The following TTC23L variants were observed in gnomAD, a reference collection of about 807,000 sequenced individuals.
TTC23L encodes tetratricopeptide repeat domain 23 like.
TTC23L carries 42 observed loss-of-function variants against 48.1 expected under a neutral mutation model. That is an observed-to-expected ratio of 0.87 (90% confidence interval 0.68 to 1.13). TTC23L has a LOEUF of 1.13. Ranked by LOEUF, TTC23L falls within the 50% of genes most tolerant of loss-of-function variation. The pLI is 0.00. For synonymous variants in TTC23L, 159 were observed against 157.2 expected, an observed-to-expected ratio of 1.01 and a Z score of -0.09; for missense variants, 391 against 421.0, an observed-to-expected ratio of 0.93 and a Z score of 0.62.
the TTC23L span, chr5:34,915,858 GGAA>G: frequency 6.4e-7 from 1 of 1,564,878 alleles, no homozygotes; most frequent in South Asian, 1.2e-5. Context: ...AGGAGGTGGA[GGAA>G]GAAGAGAGGG....
chr5:34,896,965 G>A lies in TTC23L; in HGVS notation c.*97+90G>A, dbSNP rs528265297. 14 of 543,462 alleles carry A rather than the reference G, an allele frequency of 2.6e-5. No individual in the cohort carries two copies. The East Asian group carries it at 3.7e-4, about 14-fold the overall frequency. 33.7% of individuals were successfully genotyped at this position (543,462 alleles called of 1,614,324 possible). ...TCCAAGGGATGTGTGCCAGTTCTCT[G>A]GGGGAGGAAGAAAGGCTCTGTAGCA... is the stretch of plus-strand genomic sequence containing the variant. On this transcript the variant is annotated intron_variant, in intron 10 of 10. Transcript: ENST00000505624.
chr5:34,895,098 A>G (rs1051123155), intron 9 of TTC23L, among the ~76,000 whole-genome samples: 1 of 152,206 alleles, frequency 6.6e-6, no homozygotes, highest in Non-Finnish European at 1.5e-5. Flanking sequence ...TACCTCCCAT[A>G]ATCAGGAATT....
Position 34,863,106 on chromosome 5 carries a change from T to C in TTC23L, c.536+52T>C, listed in dbSNP as rs781561587. On this transcript the variant is annotated intron_variant, in intron 5 of 10. Coordinates refer to ENST00000505624, the Ensembl canonical transcript of TTC23L. The surrounding 1 kb of genome is among the most constrained non-coding windows in gnomAD (Gnocchi z 4.1). ...AGTGTTCGGGGCCACAGGCCACACA[T>C]GCCAGATGGGTCATCTCATACAGGA... 1 of 1,606,142 alleles carries C rather than the reference T, an allele frequency of 6.2e-7. No individual in the cohort carries two copies. The highest frequency in any genetic ancestry group is 1.1e-5 in the South Asian group (1 of 90,280).
the TTC23L span, among the ~76,000 whole-genome samples, chr5:34,911,108 T>C: frequency 6.6e-6 from 1 of 152,220 alleles, no homozygotes; most frequent in Non-Finnish European, 1.5e-5. Context: ...CTTAATAAGA[T>C]GAATAAGCAC....
At chr5:34,852,706 A>C (rs1759774691) in intron 4 of TTC23L, among the ~76,000 whole-genome samples, 2 of 152,230 alleles carry the variant, frequency 1.3e-5, no homozygotes, top group Admixed American at 1.3e-4. Flanking sequence ...CAATTAGCTT[A>C]AATCGAGAAT....
chr5:34,897,633 T>G (rs907762772), intron 10 of TTC23L, among the ~76,000 whole-genome samples: 1 of 152,074 alleles, frequency 6.6e-6, no homozygotes, highest in Non-Finnish European at 1.5e-5. Context: ...TGCAAATCAG[T>G]TTTTTAGAAA....
chr5:34,875,518 T>C (rs1042382571), intron 8 of TTC23L, among the ~76,000 whole-genome samples: 6 of 152,112 alleles, frequency 3.9e-5, no homozygotes, highest in Non-Finnish European at 8.8e-5. Context: ...CACATTCTCC[T>C]GCTTGCTTTT....
At chr5:34,920,365 T>G in the TTC23L span, 1 of 152,378 alleles carries the variant, frequency 6.6e-6, no homozygotes, top group African/African-American at 2.4e-5. Context: ...TTAGGTATTT[T>G]TTTTAACCTC....
intron 10 of TTC23L, among the ~76,000 whole-genome samples, chr5:34,898,927 A>G (rs568717698): frequency 6.6e-6 from 1 of 152,306 alleles, no homozygotes; most frequent in African/African-American, 2.4e-5. Flanking sequence ...CTCCTTCAGT[A>G]ATGGGAAATC....
intron 8 of TTC23L, among the ~76,000 whole-genome samples, chr5:34,879,497 C>A (rs539833696): frequency 6.6e-6 from 1 of 152,218 alleles, no homozygotes; most frequent in South Asian, 2.1e-4. Context: ...CCAGCACCCC[C>A]CAAACAGGAA....
At chr5:34,918,524 A>AT in the TTC23L span, 3 of 1,051,080 alleles carry the variant, frequency 2.9e-6, no homozygotes, top group East Asian at 5.6e-5. Flanking sequence ...AAACTTACCT[A>AT]TTTTTATGTT....
intron 2 of TTC23L, among the ~76,000 whole-genome samples, chr5:34,843,650 T>C (rs569680345): frequency 8.5e-5 from 13 of 152,232 alleles, no homozygotes; most frequent in Non-Finnish European, 1.8e-4. Context: ...CAAAATTTGC[T>C]ATTGAGATAT....
chr5:34,920,661 GA>G, the TTC23L span: 1 of 152,118 alleles, frequency 6.6e-6, no homozygotes, highest in Non-Finnish European at 1.5e-5. Flanking sequence ...GGCTACACCG[GA>G]AAAACCTGTT....
intron 8 of TTC23L, among the ~76,000 whole-genome samples, chr5:34,876,580 A>G (rs1761845434): frequency 6.7e-6 from 1 of 150,264 alleles, no homozygotes; most frequent in Non-Finnish European, 1.5e-5. Context: ...CCATTTGAAT[A>G]GATCCATTTC....
At chr5:34,864,282 G>A (rs565164276) in intron 5 of TTC23L, among the ~76,000 whole-genome samples, 155 bp from the exon 6 acceptor site, 1 of 152,258 alleles carries the variant, frequency 6.6e-6, no homozygotes, top group East Asian at 1.9e-4. Context: ...CTTGCTTCTT[G>A]ACAACATAAT....
chr5:34,918,393 C>T, the TTC23L span: 2 of 1,582,914 alleles, frequency 1.3e-6, no homozygotes, highest in African/African-American at 1.4e-5. Context: ...AACGGATTCT[C>T]ATCTTTTCTT....
Position 34,863,173 on chromosome 5 carries a change from A to G in TTC23L, c.536+119A>G. 1 of 1,269,246 alleles carries G rather than the reference A, an allele frequency of 7.9e-7. No homozygotes were observed. The highest frequency in any genetic ancestry group is 1.1e-6 in the Non-Finnish European group (1 of 906,606). 78.6% of individuals were successfully genotyped at this position (1,269,246 alleles called of 1,614,324 possible). ...CAAGGCCTTGTAGATCTGTTCCAAC[A>G]TCAAGGCCCTCCATGAGCCTCTCCT... On this transcript the variant is annotated intron_variant, in intron 5 of 10. Transcript: ENST00000505624. The surrounding 1 kb of genome is among the most constrained non-coding windows in gnomAD (Gnocchi z 4.1).
the TTC23L span, chr5:34,925,622 A>G: frequency 1.4e-6 from 1 of 733,122 alleles, no homozygotes; most frequent in Non-Finnish European, 2.1e-6. Context: ...AGAAAAATTA[A>G]GATCTTAAAA....
At chr5:34,880,437 T>C in intron 9 of TTC23L, 129 bp downstream of exon 9, 1 of 1,012,882 alleles carries the variant, frequency 9.9e-7, no homozygotes, top group Non-Finnish European at 1.4e-6. Flanking sequence ...AACCACATTG[T>C]TTCATTCTTT....
Sources: gnomAD v4.1 joint callset for allele counts (sites outside exome capture counted in the v4.1 genomes callset) on GRCh38, gnomAD v4.1.1 for gene constraint, Gnocchi (gnomAD v3.1) non-coding constraint, MANE v1.5 for transcripts, NCBI Gene and HGNC (gene_info 2026-07-23, HGNC 2026-07-21) for gene names.